Variants in FER1L6 observed in about 807,000 individuals in gnomAD.
The protein encoded by FER1L6 is fer-1-like protein 6.
In FER1L6, 177 loss-of-function variants were observed where a neutral mutation model predicts 219.2. The ratio of observed to expected loss-of-function variants is 0.81; its 90% confidence interval spans 0.71 to 0.91. FER1L6 has a LOEUF of 0.91. Ranked by LOEUF, FER1L6 falls within the 40% of genes least tolerant of loss-of-function variation. The pLI is 0.00. For missense variants in FER1L6, 2,153 were observed against 2,259.9 expected, an observed-to-expected ratio of 0.95 and a Z score of 0.96; for synonymous variants, 768 against 824.3, an observed-to-expected ratio of 0.93 and a Z score of 1.17.
chr8:123,944,518 A>G (rs1246614758), intron 1 of FER1L6, among the ~76,000 whole-genome samples: 2 of 151,804 alleles, frequency 1.3e-5, no homozygotes, highest in Non-Finnish European at 2.9e-5. Flanking sequence ...AAATAAGAAT[A>G]GTAACTATTT....
At chr8:124,113,021 C>A (rs1215943255) in intron 39 of FER1L6, among the ~76,000 whole-genome samples, 1 of 151,950 alleles carries the variant, frequency 6.6e-6, no homozygotes, top group Non-Finnish European at 1.5e-5. Context: ...ATTTTAGTTC[C>A]CTTTACATAA....
At chr8:123,888,159 C>T (rs1249732750) in intron 1 of FER1L6, among the ~76,000 whole-genome samples, 2 of 151,906 alleles carry the variant, frequency 1.3e-5, no homozygotes, top group Non-Finnish European at 2.9e-5. Flanking sequence ...CTCTGTCTCC[C>T]ATGTTGGAGT....
intron 1 of FER1L6, among the ~76,000 whole-genome samples, chr8:123,868,353 G>A (rs1340788288): frequency 6.6e-6 from 1 of 152,208 alleles, no homozygotes; most frequent in East Asian, 1.9e-4. Context: ...AGAGACAGAT[G>A]ATAAGCAAAA....
At chr8:123,899,970 G>T (rs1812828123) in intron 1 of FER1L6, among the ~76,000 whole-genome samples, 1 of 152,220 alleles carries the variant, frequency 6.6e-6, no homozygotes, top group South Asian at 2.1e-4. Flanking sequence ...TCTTGCTTTG[G>T]CTATGTGGGT....
intron 7 of FER1L6, among the ~76,000 whole-genome samples, chr8:123,973,929 T>C (rs756603183): frequency 6.6e-6 from 1 of 152,200 alleles, no homozygotes; most frequent in African/African-American, 2.4e-5. Flanking sequence ...ACTTCCTTCA[T>C]AGGTTTGTTG....
intron 26 of FER1L6, among the ~76,000 whole-genome samples, chr8:124,065,400 C>CAAAAAA (rs60695255): frequency 1.8e-5 from 1 of 55,194 alleles, no homozygotes; most frequent in Non-Finnish European, 4.0e-5. Flanking sequence ...GCCTCCATCT[C>CAAAAAA]AAAAAAAAAA....
rs747098825 is a variant in FER1L6, at chr8:124,097,255, T to G, written c.4696-16T>G. On this transcript the variant is annotated splice_polypyrimidine_tract_variant and intron_variant, in intron 35 of 40. Coordinates refer to ENST00000522917, the MANE Select transcript of FER1L6 (RefSeq NM_001039112.2). ...CCCCTCCCAAAGCTAAAGAAGATAT[T>G]TTTTTTCTTAACAAGGGCCGCCTGC... The G allele has an allele frequency of 6.2e-7, 1 of 1,607,454 alleles. No individual in the cohort carries two copies. Among genetic ancestry groups the G allele is most frequent in the South Asian group, 1.1e-5 (1 of 90,772 alleles).
intron 13 of FER1L6, among the ~76,000 whole-genome samples, chr8:124,008,055 G>A (rs775386630): frequency 2.0e-4 from 30 of 152,020 alleles, no homozygotes; most frequent in African/African-American, 5.1e-4. Context: ...AGCAGTATAC[G>A]CTGAACCCAA....
rs767174132 is a variant in FER1L6 at position 124,118,947 on chromosome 8, G to A, written c.5390+3G>A. ...CCAGAGCCCCTGGCCAAGCCCAAGT[G>A]AGTGGAGTTGCTAGTGGGAACATCA... On this transcript the variant is annotated splice_donor_region_variant and intron_variant, in intron 40 of 40. Transcript: ENST00000522917. 2.5e-6 allele frequency: 4 copies of A among 1,610,312 alleles called. No homozygotes were observed. The highest frequency in any genetic ancestry group is 3.4e-6 in the Non-Finnish European group (4 of 1,178,292).
intron 32 of FER1L6, among the ~76,000 whole-genome samples, chr8:124,078,564 C>T (rs1821391076): frequency 1.3e-5 from 2 of 152,314 alleles, no homozygotes; most frequent in African/African-American, 2.4e-5. Context: ...GTGTCAGGCA[C>T]ACTGCTAAGT....
chr8:123,906,221 T>A (rs937759232), intron 1 of FER1L6, among the ~76,000 whole-genome samples: 2 of 152,212 alleles, frequency 1.3e-5, no homozygotes, highest in African/African-American at 4.8e-5. Context: ...TGGTTGAATC[T>A]TGGCCAACCT....
intron 9 of FER1L6, among the ~76,000 whole-genome samples, 190 bp from the exon 10 acceptor site, chr8:123,977,227 G>T (rs775640169): frequency 2.0e-5 from 3 of 152,252 alleles, no homozygotes; most frequent in Admixed American, 1.3e-4. Flanking sequence ...CTTTGTCTCA[G>T]ATACCTGGCA....
chr8:123,966,863 C>T (rs1011332321), intron 5 of FER1L6, among the ~76,000 whole-genome samples: 5 of 152,120 alleles, frequency 3.3e-5, no homozygotes, highest in East Asian at 3.9e-4. Flanking sequence ...GTGCGGATCA[C>T]GAGCTCAGGA....
At chr8:123,906,757 G>A (rs780537454) in intron 1 of FER1L6, among the ~76,000 whole-genome samples, 4 of 150,482 alleles carry the variant, frequency 2.7e-5, no homozygotes, top group East Asian at 1.9e-4. Flanking sequence ...CCAAGATCAC[G>A]CCACTGCACT....
intron 1 of FER1L6, among the ~76,000 whole-genome samples, chr8:123,931,096 G>A (rs969405946): frequency 2.6e-5 from 4 of 152,198 alleles, no homozygotes; most frequent in Admixed American, 2.6e-4. Context: ...GGTAAGAACA[G>A]CAAACCTACA....
chr8:124,097,633 G>A (rs977802371), intron 36 of FER1L6, 152 bp from the exon 37 acceptor site: 8 of 610,432 alleles, frequency 1.3e-5, no homozygotes, highest in African/African-American at 1.1e-4. Context: ...AGGATACTTG[G>A]TTCTGACAGA....
intron 22 of FER1L6, among the ~76,000 whole-genome samples, chr8:124,058,583 A>G (rs1160907604): frequency 6.6e-6 from 1 of 152,226 alleles, no homozygotes; most frequent in East Asian, 1.9e-4. Context: ...AGCATTTTTC[A>G]GGCACTTACA....
intron 13 of FER1L6, among the ~76,000 whole-genome samples, chr8:124,007,921 C>T (rs1185840171): frequency 1.3e-5 from 2 of 152,106 alleles, no homozygotes; most frequent in African/African-American, 4.8e-5. Flanking sequence ...ATATAATGCA[C>T]TTACATCTGT....
At chr8:123,878,459 G>A (rs1301487525) in intron 1 of FER1L6, among the ~76,000 whole-genome samples, 1 of 152,144 alleles carries the variant, frequency 6.6e-6, no homozygotes, top group African/African-American at 2.4e-5. Context: ...CACCTCTCAG[G>A]GAGCCAACAC....
Sources: allele counts gnomAD v4.1 joint callset (sites outside exome capture counted in the v4.1 genomes callset), GRCh38; gene constraint gnomAD v4.1.1; transcripts MANE v1.5; gene names NCBI Gene and HGNC (gene_info 2026-07-23, HGNC 2026-07-21).